CLSTN3: variants seen among roughly 807,000 people sequenced by gnomAD.
CLSTN3 encodes calsyntenin 3.
In CLSTN3, 36 loss-of-function variants were observed where a neutral mutation model predicts 95.9. That is an observed-to-expected ratio of 0.38 (90% CI 0.29 to 0.50). CLSTN3 has a LOEUF of 0.50. Among genes scored for constraint, CLSTN3 ranks in the 20% least tolerant of loss-of-function variants. The pLI, the probability that CLSTN3 is intolerant of heterozygous loss-of-function variation, is 0.95. For missense variants in CLSTN3, 1,084 were observed against 1,268.8 expected (o/e 0.85, Z 2.21); for synonymous variants, 481 against 504.0 (o/e 0.95, Z 0.61).
rs1463913330 is a variant in CLSTN3 at position 7,133,007 on chromosome 12, C to T, written c.65-17C>T. The stretch of plus-strand genomic sequence containing the variant: ...TGCTCACAGGTGCTTCCTCTCCTCT[C>T]CCTGGGGTGGGGCCAGCCAACAAGC... On this transcript the variant is annotated splice_polypyrimidine_tract_variant and intron_variant, in intron 1 of 17. Transcript: ENST00000266546. The surrounding 1 kb of genome is among the most constrained non-coding windows in gnomAD (Gnocchi z 4.7). 42 of 1,612,828 alleles carry T rather than the reference C, an allele frequency of 2.6e-5. No individual in the cohort carries two copies. Among genetic ancestry groups the T allele is most frequent in the Non-Finnish European group, 3.6e-5 (42 of 1,179,440 alleles).
Position 7,136,357 on chromosome 12 carries a change from C to T in CLSTN3, c.894C>T (p.Asp298=). 8 of 1,614,016 alleles carry T rather than the reference C, an allele frequency of 5.0e-6. No homozygotes were observed. The highest frequency in any genetic ancestry group is 6.8e-6 in the Non-Finnish European group (8 of 1,179,942). ...TSHVAKGCDR[D]NYSERALRKL... ...ATGTGGCCAAGGGCTGTGACCGTGACAACTACTCAGAGCGGGCGCTGCGGA... is the reference window on the plus strand; with the variant it reads ...ATGTGGCCAAGGGCTGTGACCGTGATAACTACTCAGAGCGGGCGCTGCGGA... The change falls in exon 6 of 18, where the codon GAC becomes GAT. Residue 298 remains aspartate, a synonymous_variant. Transcript: ENST00000266546.
In CLSTN3 at chr12:7,143,300, C is replaced by T; in HGVS notation, c.1836C>T (p.Thr612=). ...CCGGCGTCAGGCCCCTGCGCCTCAC[C>T]ACTGCTGTCAAGTGAGTGTTGGGTG... The part of the protein sequence containing the change: ...ATPGVRPLRL[T]TAVKCFSEES... Residue 612 remains threonine, a synonymous_variant, in exon 12 of 18, where the codon ACC becomes ACT. Transcript: ENST00000266546. 2 of 1,608,932 alleles carry T rather than the reference C, an allele frequency of 1.2e-6. No individual in the cohort carries two copies. The highest frequency in any genetic ancestry group is 2.2e-5 in the South Asian group (2 of 91,020).
Position 7,158,002 on chromosome 12 carries a change from A to G in CLSTN3, c.2792A>G (p.Asp931Gly). 1 of 1,551,152 alleles carries G rather than the reference A, an allele frequency of 6.4e-7. No homozygotes were observed. The highest frequency in any genetic ancestry group is 8.7e-7 in the Non-Finnish European group (1 of 1,146,872). Residue 931 changes from aspartate (D) to glycine (G), a missense_variant, in exon 18 of 18, where the codon GAC becomes GGC. Physicochemically the swap from Asp to Gly is moderately conservative, Grantham distance 94. Coordinates refer to ENST00000266546, the MANE Select transcript of CLSTN3 (RefSeq NM_014718.4). ...GAVGGQQEDE[D>G]SSDSEVADSP... Reference sequence around the variant, plus strand: ...GTTGGGGGCCAGCAGGAGGATGAGGACAGCAGTGACTCGGAGGTGGCCGAT... The same window carrying G: ...GTTGGGGGCCAGCAGGAGGATGAGGGCAGCAGTGACTCGGAGGTGGCCGAT...
At position 7,135,799 on chromosome 12, in the gene CLSTN3, C is replaced by T; in HGVS notation, c.593-5C>T. On this transcript the variant is annotated splice_polypyrimidine_tract_variant and splice_region_variant and intron_variant, in intron 4 of 17. Coordinates refer to ENST00000266546, the MANE Select transcript of CLSTN3 (RefSeq NM_014718.4). The stretch of plus-strand genomic sequence containing the variant: ...TAATGCTCTGTCCTCCTGACCCCAC[C>T]CCAGGGAACATTGAGAACACAGAGA... The T allele has an allele frequency of 6.2e-7, 1 of 1,600,710 alleles. No individual in the cohort carries two copies. Among genetic ancestry groups the T allele is most frequent in the Non-Finnish European group, 8.5e-7 (1 of 1,172,884 alleles).
intron 12 of CLSTN3, among the ~76,000 whole-genome samples, chr12:7,147,483 T>C (rs759263802): frequency 1.4e-5 from 2 of 146,850 alleles, no homozygotes; most frequent in South Asian, 4.4e-4. Flanking sequence ...TAAGCCTTGA[T>C]TGTTTCTTTT....
chr12:7,135,991 C>G, intron 5 of CLSTN3, 38 bp downstream of exon 5: 1 of 1,566,212 alleles, frequency 6.4e-7, no homozygotes, highest in Non-Finnish European at 8.6e-7. Flanking sequence ...TGTGAATCAT[C>G]TTTTTTCTTG....
chr12:7,137,795 T>TGTGAGAGAGA lies in CLSTN3; in HGVS notation c.1211-159_1211-158insTGAGAGAGAG, dbSNP rs768487238. Reference sequence around the variant, plus strand: ...GTGTGTGTGTGTGTGTGTGTGTGTGTGAGAGAGAGAGAGAGAGAGAGAGAG... The same window carrying TGTGAGAGAGA: ...GTGTGTGTGTGTGTGTGTGTGTGTGTGTGAGAGAGAGAGAGAGAGAGAGAGAGAGAGAGAG... On this transcript the variant is annotated intron_variant, in intron 7 of 17. Coordinates refer to ENST00000266546, the MANE Select transcript of CLSTN3 (RefSeq NM_014718.4). This position sits in a 1 kb window ranked among gnomAD's most constrained non-coding sequence, Gnocchi z 4.4. Among the ~76,000 whole-genome samples the TGTGAGAGAGA allele has an allele frequency of 9.8e-4, 69 of 70,672 alleles. No homozygotes were observed. The highest frequency in any genetic ancestry group is 1.5e-3 in the Non-Finnish European group (55 of 37,354). 46.4% of individuals were successfully genotyped at this position (70,672 alleles called of 152,430 possible).
Position 7,143,258 on chromosome 12 carries a change from T to C in CLSTN3, c.1794T>C (p.Thr598=), listed in dbSNP as rs1939562501. Reference sequence around the variant, plus strand: ...TGCAGCATGTGGCTTACATGAACACTCTGCGCTTTGCCACGCCCGGCGTCA... The same window carrying C: ...TGCAGCATGTGGCTTACATGAACACCCTGCGCTTTGCCACGCCCGGCGTCA... ...HALQHVAYMN[T]LRFATPGVRP... is the part of the protein sequence containing the mutation. Residue 598 remains threonine (T), a synonymous_variant, in exon 12 of 18, where the codon ACT becomes ACC. Transcript: ENST00000266546. 1 of 1,613,364 alleles carries C rather than the reference T, an allele frequency of 6.2e-7. No individual in the cohort carries two copies. Among genetic ancestry groups the C allele is most frequent in the African/African-American group, 1.3e-5 (1 of 74,952 alleles).
intron 16 of CLSTN3, among the ~76,000 whole-genome samples, chr12:7,152,183 T>A (rs1051645007): frequency 7.2e-5 from 11 of 152,224 alleles, no homozygotes; most frequent in African/African-American, 2.7e-4. Flanking sequence ...TTTTTCCTTT[T>A]TAGAAAGTTA....
At chr12:7,132,885 GC>G in intron 1 of CLSTN3, 138 bp from the exon 2 acceptor site, 1 of 1,140,266 alleles carries the variant, frequency 8.8e-7, no homozygotes, top group Non-Finnish European at 1.3e-6. Flanking sequence ...TCAACCACCC[GC>G]CTCCTGTAAG....
upstream of CLSTN3, chr12:7,130,298 C>A: frequency 1.1e-6 from 1 of 924,330 alleles, no homozygotes; most frequent in Non-Finnish European, 1.4e-6. Flanking sequence ...CGCTGCAGCA[C>A]CTGGTCCCCC....
intron 4 of CLSTN3, 32 bp from the exon 5 acceptor site, chr12:7,135,772 T>G (rs184680931): frequency 1.3e-6 from 2 of 1,574,504 alleles, no homozygotes; most frequent in African/African-American, 2.7e-5. Context: ...TCTCCAATGC[T>G]CTAATGCTCT....
At position 7,135,465 on chromosome 12, in the gene CLSTN3, C is replaced by T. The variant is rs368350140; in HGVS notation, c.522C>T (p.Ser174=). The change falls in exon 4 of 18, where the codon TCC becomes TCT. Residue 174 remains serine (S), a synonymous_variant. Transcript: ENST00000266546. ...TGGAAGCCATTGACGGTGACTGCTC[C>T]CCCCAGTACAGCCAGATCTGCTACT... ...LRVEAIDGDC[S]PQYSQICYYE... The T allele has an allele frequency of 2.5e-5, 41 of 1,613,998 alleles. No individual in the cohort carries two copies. The highest frequency in any genetic ancestry group is 6.7e-5 in the Admixed American group (4 of 60,000).
chr12:7,154,845 A>T (rs1254893780), intron 16 of CLSTN3, among the ~76,000 whole-genome samples: 1 of 152,212 alleles, frequency 6.6e-6, no homozygotes, highest in African/African-American at 2.4e-5. Flanking sequence ...TGAAATAAGG[A>T]TCCAATGAAG....
At chr12:7,130,338 CCCCATCAATCGTTGCCCGG>C (rs1939270257), upstream of CLSTN3, 1 of 1,243,538 alleles carries the variant, frequency 8.0e-7, no homozygotes, top group Non-Finnish European at 1.0e-6. Context: ...TGGCCGGCGG[CCCCATCAATCGTTGCCCGG>C]CTGTGCTGAC....
In CLSTN3 at chr12:7,154,646, A is replaced by C. The variant is rs141098656; in HGVS notation, c.2528-2843A>C. Among the ~76,000 whole-genome samples, 727 of 152,280 alleles carry C rather than the reference A, an allele frequency of 4.8e-3. 8 individuals are homozygous for C. The highest frequency in any genetic ancestry group is 0.017 in the African/African-American group (694 of 41,540). On this transcript the variant is annotated intron_variant, in intron 16 of 17. Coordinates refer to ENST00000266546, the MANE Select transcript of CLSTN3 (RefSeq NM_014718.4). Reference sequence around the variant, plus strand: ...TTTAAAAACTCTCGGCACCTAAATTATACCCTAGAATGTCTAGGGGGTGGG... The same window carrying C: ...TTTAAAAACTCTCGGCACCTAAATTCTACCCTAGAATGTCTAGGGGGTGGG...
At chr12:7,130,316 C>A (rs1444633928), upstream of CLSTN3, 8 of 947,692 alleles carry the variant, frequency 8.4e-6, 1 homozygote, top group Admixed American at 3.8e-5. Flanking sequence ...CCCCCCCTCC[C>A]AGTCACCTGA....
chr12:7,131,270 A>T (rs918064132), intron 1 of CLSTN3: 1 of 208,604 alleles, frequency 4.8e-6, no homozygotes, highest in Non-Finnish European at 9.9e-6. Context: ...CCTCTCTGGC[A>T]GACAGCGGAT....
In CLSTN3 at chr12:7,141,960, G is replaced by C. The variant is rs1021447720; in HGVS notation, c.1487-126G>C. 11 of 706,858 alleles carry C rather than the reference G, an allele frequency of 1.6e-5. No individual in the cohort carries two copies. Among genetic ancestry groups the C allele is most frequent in the Non-Finnish European group, 2.6e-5 (11 of 430,286 alleles). The allele number at this position is 706,858 out of a possible 1,614,324, so 43.8% of individuals were successfully genotyped here. A position where few individuals can be genotyped will look rare whatever the true frequency, so the allele number is the denominator to read the frequency against. On this transcript the variant is annotated intron_variant, in intron 9 of 17. Coordinates refer to ENST00000266546, the MANE Select transcript of CLSTN3 (RefSeq NM_014718.4). The surrounding 1 kb of genome is among the most constrained non-coding windows in gnomAD (Gnocchi z 4.1). ...GAGGTTGCAAGTTATACATGGGCAG[G>C]GTCAGAATCCCATGTGGGCATGAGA... is the stretch of plus-strand genomic sequence containing the variant.
Sources: allele counts gnomAD v4.1 joint callset (sites outside exome capture counted in the v4.1 genomes callset), GRCh38; gene constraint gnomAD v4.1.1; non-coding constraint Gnocchi (gnomAD v3.1); transcripts MANE v1.5; gene names NCBI Gene and HGNC (gene_info 2026-07-23, HGNC 2026-07-21).